The following KIF1B variants were observed in gnomAD, a reference collection of about 807,000 sequenced individuals.
KIF1B encodes the protein kinesin-like protein KIF1B.
In KIF1B, 76 loss-of-function variants were observed where a neutral mutation model predicts 241.9. That is an observed-to-expected ratio of 0.31 (90% CI 0.26 to 0.38). The LOEUF (loss-of-function observed/expected upper bound fraction) is 0.38. Ranked by LOEUF, KIF1B falls within the 10% of genes least tolerant of loss-of-function variation. The pLI is 1.00. For synonymous variants in KIF1B, 750 were observed against 796.7 expected, an observed-to-expected ratio of 0.94 and a Z score of 0.99; for missense variants, 1,622 against 2,271.4, an observed-to-expected ratio of 0.71 and a Z score of 5.81.
chr1:10,225,132 G>T (rs1646894183), intron 1 of KIF1B, among the ~76,000 whole-genome samples: 1 of 152,116 alleles, frequency 6.6e-6, no homozygotes, highest in East Asian at 1.9e-4. Flanking sequence ...TTTTTAACAG[G>T]CCACAGACCT....
chr1:10,368,367 G>T, intron 43 of KIF1B, 100 bp from the exon 44 acceptor site: 1 of 912,158 alleles, frequency 1.1e-6, no homozygotes, highest in South Asian at 1.3e-5. Flanking sequence ...GCCCTCCCCG[G>T]GAACTCAGCC....
intron 1 of KIF1B, among the ~76,000 whole-genome samples, chr1:10,223,995 G>A (rs1445007766): frequency 6.6e-6 from 1 of 152,124 alleles, no homozygotes; most frequent in African/African-American, 2.4e-5. Flanking sequence ...GCAGAAATAG[G>A]GTTTCACATG....
At chr1:10,236,399 C>G (rs904636886) in intron 2 of KIF1B, among the ~76,000 whole-genome samples, 2 of 152,116 alleles carry the variant, frequency 1.3e-5, no homozygotes, top group African/African-American at 4.8e-5. Context: ...GTACTCCTAC[C>G]CTCAGCTGAT....
At chr1:10,316,254 C>G (rs1359530715) in intron 22 of KIF1B, among the ~76,000 whole-genome samples, 1 of 151,154 alleles carries the variant, frequency 6.6e-6, no homozygotes, top group African/African-American at 2.5e-5. Context: ...AAAAAGATTG[C>G]TATAATGGTG....
chr1:10,346,089 G>A, intron 35 of KIF1B, 136 bp downstream of exon 35: 1 of 734,184 alleles, frequency 1.4e-6, no homozygotes, highest in Admixed American at 2.1e-5. Context: ...TTTTGTTTTT[G>A]TTTTAATAGA....
intron 2 of KIF1B, among the ~76,000 whole-genome samples, chr1:10,244,903 C>T (rs528671364): frequency 1.8e-4 from 28 of 152,310 alleles, no homozygotes; most frequent in South Asian, 6.2e-4. Context: ...TGAGCCACCG[C>T]GCCCGGCCGC....
intron 22 of KIF1B, among the ~76,000 whole-genome samples, chr1:10,313,548 AT>A (rs33994083): frequency 0.018 from 2,158 of 121,352 alleles, 52 homozygotes; most frequent in African/African-American, 0.06. Context: ...ACTAGTTAGG[AT>A]TTTTTTTTTT....
At chr1:10,240,721 ATTTTTTTTT>A (rs34449939) in intron 2 of KIF1B, among the ~76,000 whole-genome samples, 4 of 110,054 alleles carry the variant, frequency 3.6e-5, no homozygotes, top group African/African-American at 1.4e-4. Flanking sequence ...TGGGTAGTTC[ATTTTTTTTT>A]TTTTTTTTTT....
chr1:10,365,226 A>G lies in KIF1B; in HGVS notation c.4493A>G (p.Lys1498Arg). 6.2e-7 allele frequency: 1 copy of G among 1,614,078 alleles called. No homozygotes were observed. The highest frequency in any genetic ancestry group is 8.5e-7 in the Non-Finnish European group (1 of 1,180,006). The change falls in exon 42 of 49, where the codon AAG becomes AGG. Residue 1498 changes from lysine to arginine, a missense_variant. Physicochemically the swap from Lys to Arg is conservative, Grantham distance 26. Transcript: ENST00000676179. The surrounding 1 kb of genome is among the most constrained non-coding windows in gnomAD (Gnocchi z 4.0). ...CTTGAGCACCAGTGGGAGCTGGAGA[A>G]GCTGGAGCTCCTACATGAGGTATCC... ...LILEHQWELEKLELLHEVEKT... is the reference protein window; with the variant it reads ...LILEHQWELERLELLHEVEKT...
chr1:10,275,278 G>A (rs1264993350), intron 10 of KIF1B, 150 bp from the exon 11 acceptor site: 9 of 628,958 alleles, frequency 1.4e-5, no homozygotes, highest in East Asian at 5.6e-5. Flanking sequence ...TTTTGGTTTT[G>A]TGAAGAATTG....
intron 4 of KIF1B, among the ~76,000 whole-genome samples, chr1:10,258,971 C>T (rs1052805174): frequency 6.6e-6 from 1 of 152,138 alleles, no homozygotes; most frequent in Non-Finnish European, 1.5e-5. Context: ...AAGCTCTGTT[C>T]TAAGTCCTGG....
chr1:10,305,699 C>T (rs1238522777), intron 22 of KIF1B: 7 of 1,057,238 alleles, frequency 6.6e-6, no homozygotes, highest in African/African-American at 6.6e-5. Context: ...ACAAGGAAGG[C>T]GAAGTCCTGA....
intron 15 of KIF1B, among the ~76,000 whole-genome samples, chr1:10,289,877 C>G (rs761391376): frequency 3.3e-5 from 5 of 152,222 alleles, no homozygotes; most frequent in Middle Eastern, 3.4e-3. Flanking sequence ...GAATGAGACT[C>G]TGTCTCAAAC....
chr1:10,306,602 C>T (rs1650838339), intron 22 of KIF1B: 1 of 492,598 alleles, frequency 2.0e-6, no homozygotes, highest in Middle Eastern at 8.3e-4. Context: ...GGTGATGTCC[C>T]TGAAGCAGGA....
intron 11 of KIF1B, 24 bp from the exon 12 acceptor site, chr1:10,276,297 G>A: frequency 6.4e-7 from 1 of 1,553,038 alleles, no homozygotes; most frequent in Non-Finnish European, 8.9e-7. Flanking sequence ...AGTGTGATTT[G>A]ATACTCATGA....
intron 22 of KIF1B, chr1:10,304,133 A>T (rs761661731): frequency 1.2e-6 from 2 of 1,614,030 alleles, no homozygotes; most frequent in East Asian, 2.2e-5. Flanking sequence ...ATAACAGAAG[A>T]TGAGGTTATA....
intron 2 of KIF1B, among the ~76,000 whole-genome samples, chr1:10,246,988 C>G (rs1212908403): frequency 6.6e-6 from 1 of 152,120 alleles, no homozygotes; most frequent in African/African-American, 2.4e-5. Flanking sequence ...TCTCAGCCTC[C>G]CAAATAGCTG....
chr1:10,268,022 A>G (rs1183073522), intron 6 of KIF1B, 130 bp from the exon 7 acceptor site: 10 of 732,308 alleles, frequency 1.4e-5, no homozygotes, highest in Non-Finnish European at 1.7e-5. Flanking sequence ...GTAAGTGACA[A>G]TCTTGCAATC....
chr1:10,328,243 A>G (rs538320156), intron 27 of KIF1B, among the ~76,000 whole-genome samples: 1 of 152,342 alleles, frequency 6.6e-6, no homozygotes, highest in South Asian at 2.1e-4. Context: ...TATTGGTCAC[A>G]TGGTCGGAAC....
Sources: gnomAD v4.1 joint callset for allele counts (sites outside exome capture counted in the v4.1 genomes callset) on GRCh38, gnomAD v4.1.1 for gene constraint, Gnocchi (gnomAD v3.1) non-coding constraint, MANE v1.5 for transcripts, NCBI Gene and HGNC (gene_info 2026-07-23, HGNC 2026-07-21) for gene names.